The following FCHSD2 variants were observed in gnomAD, a reference collection of about 807,000 sequenced individuals.
The protein encoded by FCHSD2 is FCH and double SH3 domains 2, also known as F-BAR and double SH3 domains protein 2.
Under a neutral mutation model 108.1 loss-of-function variants are expected in FCHSD2, and 38 were observed. That is an observed-to-expected ratio of 0.35 (90% CI 0.27 to 0.46). FCHSD2 has a LOEUF of 0.46. Ranked by LOEUF, FCHSD2 falls within the 20% of genes least tolerant of loss-of-function variation. FCHSD2 has a pLI of 1.00. For synonymous variants in FCHSD2, 279 were observed against 314.7 expected, an observed-to-expected ratio of 0.89 and a Z score of 1.20; for missense variants, 751 against 897.8, an observed-to-expected ratio of 0.84 and a Z score of 2.09.
intron 3 of FCHSD2, among the ~76,000 whole-genome samples, chr11:73,077,365 T>C (rs1164425911): frequency 6.6e-6 from 1 of 152,094 alleles, no homozygotes; most frequent in Non-Finnish European, 1.5e-5. Context: ...CAATAAATAC[T>C]ACTACACATC....
intron 16 of FCHSD2, 118 bp downstream of exon 16, chr11:72,843,033 A>G (rs1253682359): frequency 9.6e-7 from 1 of 1,039,156 alleles, no homozygotes; most frequent in African/African-American, 1.6e-5. Context: ...ATATAAAGAA[A>G]AGCATATTAT....
intron 5 of FCHSD2, among the ~76,000 whole-genome samples, chr11:72,995,704 G>A (rs993383790): frequency 7.3e-6 from 1 of 137,462 alleles, no homozygotes. Flanking sequence ...GAAAAATTCT[G>A]TCTCAAAAAA....
intron 4 of FCHSD2, among the ~76,000 whole-genome samples, chr11:73,015,383 C>A (rs1438860687): frequency 6.6e-6 from 1 of 152,156 alleles, no homozygotes; most frequent in Non-Finnish European, 1.5e-5. Flanking sequence ...CCCCCCTAGT[C>A]TCACAAAAAC....
Position 72,838,069 on chromosome 11 carries a change from A to G in FCHSD2, c.*722T>C, listed in dbSNP as rs565185548. 3 of 152,330 alleles carry G rather than the reference A, an allele frequency of 2.0e-5. No individual in the cohort carries two copies. Among genetic ancestry groups the G allele is most frequent in the African/African-American group, 4.8e-5 (2 of 41,580 alleles). 9.4% of individuals were successfully genotyped at this position (152,330 alleles called of 1,614,324 possible). ...CTGCTTTAGCCACAGCCTCCTTTCT[A>G]TTAGTCTATGTGATGAACAAGATGT... On this transcript the variant is annotated 3_prime_UTR_variant, in exon 20 of 20. Coordinates refer to ENST00000409418, the MANE Select transcript of FCHSD2 (RefSeq NM_014824.3).
intron 2 of FCHSD2, among the ~76,000 whole-genome samples, chr11:73,100,222 C>G (rs1565410429): frequency 6.6e-6 from 1 of 152,170 alleles, no homozygotes. Flanking sequence ...TACCAAGGAC[C>G]ATTCCTCTTC....
intron 12 of FCHSD2, among the ~76,000 whole-genome samples, chr11:72,876,974 C>CTT (rs1854983051): frequency 6.6e-6 from 1 of 150,862 alleles, no homozygotes. Flanking sequence ...ATGATCACTT[C>CTT]ATTTTTTTTT....
rs1239080915 is a variant in FCHSD2, at chr11:72,939,440, T to C, written c.706-17490A>G. 4.6e-5 allele frequency among the ~76,000 whole-genome samples: 7 copies of C among 152,124 alleles called. No individual in the cohort carries two copies. The South Asian group carries it at 6.2e-4, about 14-fold the overall frequency. ...ACTTCCATGTTCCACAGTTTAATGGTACTACAATTATAACTTAATTTTCTC... is the reference window on the plus strand; with the variant it reads ...ACTTCCATGTTCCACAGTTTAATGGCACTACAATTATAACTTAATTTTCTC... On this transcript the variant is annotated intron_variant, in intron 8 of 19. Transcript: ENST00000409418.
chr11:73,022,107 A>G (rs1858123835), intron 3 of FCHSD2, among the ~76,000 whole-genome samples: 1 of 152,186 alleles, frequency 6.6e-6, no homozygotes, highest in Admixed American at 6.5e-5. Context: ...AAAGAAAAAA[A>G]GCAAAAAATA....
At chr11:72,843,087 C>T in intron 16 of FCHSD2, 64 bp downstream of exon 16, 1 of 1,512,972 alleles carries the variant, frequency 6.6e-7, no homozygotes, top group Non-Finnish European at 9.1e-7. Context: ...TGAAGGCTTA[C>T]TCCAGGGCAA....
chr11:72,872,997 T>C (rs1340898311), intron 12 of FCHSD2, among the ~76,000 whole-genome samples: 2 of 152,206 alleles, frequency 1.3e-5, no homozygotes, highest in African/African-American at 4.8e-5. Context: ...TAAAGTGGTA[T>C]CTTACTGTTG....
At chr11:72,958,581 C>G (rs1005349487) in intron 8 of FCHSD2, among the ~76,000 whole-genome samples, 1 of 152,216 alleles carries the variant, frequency 6.6e-6, no homozygotes, top group South Asian at 2.1e-4. Flanking sequence ...GTAAACACCA[C>G]GGAACAAAAT....
At chr11:73,141,812 G>T in intron 1 of FCHSD2, 45 bp downstream of exon 1, 1 of 1,534,860 alleles carries the variant, frequency 6.5e-7, no homozygotes. Context: ...CGCGTTCCGC[G>T]TACGCATCTC....
At chr11:72,891,690 C>T (rs539248194) in intron 10 of FCHSD2, among the ~76,000 whole-genome samples, 2 of 152,294 alleles carry the variant, frequency 1.3e-5, no homozygotes, top group Admixed American at 1.3e-4. Flanking sequence ...GTTTTTGAGT[C>T]AGATAGACTT....
chr11:73,070,937 C>T (rs1210091739), intron 3 of FCHSD2, among the ~76,000 whole-genome samples: 1 of 152,056 alleles, frequency 6.6e-6, no homozygotes, highest in Non-Finnish European at 1.5e-5. Flanking sequence ...AAACCTAGAA[C>T]AATTAAAGCA....
rs924028259 is a variant in FCHSD2, at chr11:72,838,619, C to A, written c.*172G>T. On this transcript the variant is annotated 3_prime_UTR_variant, in exon 20 of 20. Transcript: ENST00000409418. ...AAAATGACAACAAAAAAAAAAGGCACGAAATATTCAAAACGTGGGAGGAGT... is the reference window on the plus strand; with the variant it reads ...AAAATGACAACAAAAAAAAAAGGCAAGAAATATTCAAAACGTGGGAGGAGT... 1.0e-5 allele frequency: 6 copies of A among 594,646 alleles called. No individual in the cohort carries two copies. Among genetic ancestry groups the A allele is most frequent in the African/African-American group, 1.9e-5 (1 of 53,490 alleles). The allele number at this position is 594,646 out of a possible 1,614,324, so 36.8% of individuals were successfully genotyped here.
chr11:72,955,470 G>A (rs1418849629), intron 8 of FCHSD2, among the ~76,000 whole-genome samples: 1 of 152,054 alleles, frequency 6.6e-6, no homozygotes, highest in African/African-American at 2.4e-5. Flanking sequence ...GGGCATAATT[G>A]GTTACACCAC....
At chr11:73,077,097 C>CAAAAAAAAAAAAAAA (rs372641793) in intron 3 of FCHSD2, among the ~76,000 whole-genome samples, 9 of 72,444 alleles carry the variant, frequency 1.2e-4, no homozygotes, top group South Asian at 5.0e-4. Context: ...GACTCTGTCT[C>CAAAAAAAAAAAAAAA]AAAAAAAAAA....
At chr11:73,004,046 T>C (rs964566330) in intron 4 of FCHSD2, among the ~76,000 whole-genome samples, 4 of 123,620 alleles carry the variant, frequency 3.2e-5, no homozygotes, top group African/African-American at 6.3e-5. Flanking sequence ...AAGGCGGAGG[T>C]TGCAGTGAGC....
At chr11:73,021,728 TCA>T (rs1858110864) in intron 3 of FCHSD2, among the ~76,000 whole-genome samples, 1 of 151,886 alleles carries the variant, frequency 6.6e-6, no homozygotes, top group Non-Finnish European at 1.5e-5. Context: ...AAAAAAAAGC[TCA>T]TTCATGACAG....
Sources: gnomAD v4.1 joint callset for allele counts (sites outside exome capture counted in the v4.1 genomes callset) on GRCh38, gnomAD v4.1.1 for gene constraint, MANE v1.5 for transcripts, NCBI Gene and HGNC (gene_info 2026-07-23, HGNC 2026-07-21) for gene names.